Variants in NRG3 observed in about 807,000 individuals in gnomAD.
NRG3 encodes neuregulin 3.
NRG3 carries 31 observed loss-of-function variants against 66.9 expected under a neutral mutation model. That is an observed-to-expected ratio of 0.46 (90% CI 0.35 to 0.63). The LOEUF is 0.63. NRG3 is among the 20% of genes least tolerant of loss of function. The pLI, the probability that NRG3 is intolerant of heterozygous loss-of-function variation, is 0.00. For missense variants in NRG3, 910 were observed against 878.9 expected (o/e 1.04, Z -0.45); for synonymous variants, 393 against 359.4 (o/e 1.09, Z -1.06).
chr10:82,163,669 G>A (rs1170462052), intron 1 of NRG3, among the ~76,000 whole-genome samples: 1 of 152,146 alleles, frequency 6.6e-6, no homozygotes, highest in African/African-American at 2.4e-5. Flanking sequence ...TGAAGGCTGA[G>A]GAGGAGCAAT....
intron 1 of NRG3, among the ~76,000 whole-genome samples, chr10:82,059,807 T>A (rs1225513319): frequency 6.6e-6 from 1 of 152,196 alleles, no homozygotes; most frequent in Non-Finnish European, 1.5e-5. Context: ...TCTGCCTACA[T>A]ATCTTAAAGC....
chr10:81,977,678 T>TGA (rs1365838585), intron 1 of NRG3, among the ~76,000 whole-genome samples: 1 of 152,180 alleles, frequency 6.6e-6, no homozygotes, highest in Non-Finnish European at 1.5e-5. Context: ...ATTTTCTAAA[T>TGA]GAAAACACTC....
intron 2 of NRG3, among the ~76,000 whole-genome samples, chr10:82,676,671 A>G (rs2134083472): frequency 6.6e-6 from 1 of 151,996 alleles, no homozygotes; most frequent in South Asian, 2.1e-4. Context: ...TTTAGTAGAG[A>G]CAGAGTTTTG....
At chr10:82,915,249 C>T (rs1171851450) in intron 4 of NRG3, among the ~76,000 whole-genome samples, 1 of 152,198 alleles carries the variant, frequency 6.6e-6, no homozygotes, top group Non-Finnish European at 1.5e-5. Flanking sequence ...CTGTGACTTC[C>T]ATTTTCCAAA....
intron 6 of NRG3, among the ~76,000 whole-genome samples, chr10:82,963,689 T>A (rs1019316711): frequency 6.0e-5 from 9 of 151,068 alleles, no homozygotes; most frequent in Middle Eastern, 3.4e-3. Context: ...CAAAAAAAAA[T>A]AAAAAAGAAT....
chr10:82,491,295 T>TATATATATATATATACAC (rs202217910), intron 2 of NRG3, among the ~76,000 whole-genome samples: 6 of 126,908 alleles, frequency 4.7e-5, no homozygotes, highest in African/African-American at 1.6e-4. Context: ...TCCCATAAAA[T>TATATATATATATATACAC]ATATATATAT....
At chr10:82,872,121 G>T (rs1841395873) in intron 4 of NRG3, among the ~76,000 whole-genome samples, 1 of 152,032 alleles carries the variant, frequency 6.6e-6, no homozygotes, top group South Asian at 2.1e-4. Context: ...TACCATAAAT[G>T]GGTGTTGGAT....
At chr10:82,355,821 A>G (rs1358471402) in intron 1 of NRG3, among the ~76,000 whole-genome samples, 2 of 152,226 alleles carry the variant, frequency 1.3e-5, no homozygotes, top group Non-Finnish European at 2.9e-5. Flanking sequence ...ATGCATAGGT[A>G]TATTCTAAGG....
At chr10:82,703,983 G>A (rs540874823) in intron 2 of NRG3, among the ~76,000 whole-genome samples, 118 of 151,938 alleles carry the variant, frequency 7.8e-4, no homozygotes, top group African/African-American at 2.8e-3. Flanking sequence ...CCACTTAAAC[G>A]AATGCCAAGA....
chr10:81,950,798 A>G (rs973032440), intron 1 of NRG3, among the ~76,000 whole-genome samples: 2 of 152,218 alleles, frequency 1.3e-5, no homozygotes, highest in Non-Finnish European at 2.9e-5. Flanking sequence ...GCAACGCTTT[A>G]TGGAAAGAAT....
At chr10:82,430,213 T>C (rs1273394011) in intron 2 of NRG3, among the ~76,000 whole-genome samples, 1 of 152,168 alleles carries the variant, frequency 6.6e-6, no homozygotes, top group Non-Finnish European at 1.5e-5. Flanking sequence ...TTTTTCCACA[T>C]ATGTTTAGGC....
intron 1 of NRG3, among the ~76,000 whole-genome samples, chr10:81,952,980 T>C (rs1043497883): frequency 6.6e-6 from 1 of 152,112 alleles, no homozygotes; most frequent in African/African-American, 2.4e-5. Context: ...TGTTTGTCTC[T>C]CTGGCCTCAT....
intron 2 of NRG3, among the ~76,000 whole-genome samples, chr10:82,723,966 C>T (rs985049053): frequency 1.3e-5 from 2 of 148,918 alleles, no homozygotes; most frequent in African/African-American, 5.0e-5. Context: ...GGCGACAGAG[C>T]GAGACTCCAT....
chr10:82,835,025 G>A (rs908807925), intron 3 of NRG3, among the ~76,000 whole-genome samples: 2 of 152,166 alleles, frequency 1.3e-5, no homozygotes, highest in African/African-American at 4.8e-5. Context: ...GCAGGAAAAC[G>A]AGGCTGGCAC....
rs59698440 is a variant in NRG3 at position 82,825,788 on chromosome 10, G to A, written c.1028-39623G>A. On this transcript the variant is annotated intron_variant, in intron 3 of 8. Coordinates refer to ENST00000372141, the MANE Select transcript of NRG3 (RefSeq NM_001010848.4). ...TAGCAATTGTTACCATGTAACATAC[G>A]ATTAAATATTATAAAAGTGAGCCTA... 3.3e-5 allele frequency among the ~76,000 whole-genome samples: 5 copies of A among 152,216 alleles called. No homozygotes were observed. The East Asian group carries it at 7.7e-4, about 23-fold the overall frequency.
chr10:82,660,533 A>G (rs1020791208), intron 2 of NRG3, among the ~76,000 whole-genome samples: 2 of 152,214 alleles, frequency 1.3e-5, no homozygotes, highest in East Asian at 3.8e-4. Flanking sequence ...ACATTAATGT[A>G]AAGTGGCAGT....
chr10:82,060,724 AATT>A (rs1329859157), intron 1 of NRG3, among the ~76,000 whole-genome samples: 1 of 151,990 alleles, frequency 6.6e-6, no homozygotes, highest in Non-Finnish European at 1.5e-5. Context: ...TTGTTAGTGG[AATT>A]ATTGGTGCCT....
chr10:82,309,840 C>G (rs570731167), intron 1 of NRG3, among the ~76,000 whole-genome samples: 2 of 152,198 alleles, frequency 1.3e-5, no homozygotes, highest in Admixed American at 1.3e-4. Flanking sequence ...CATGTAAACT[C>G]AGCATCTGCC....
chr10:82,593,369 G>T (rs571335787), intron 2 of NRG3, among the ~76,000 whole-genome samples: 1 of 152,296 alleles, frequency 6.6e-6, no homozygotes, highest in African/African-American at 2.4e-5. Context: ...AATATTATTT[G>T]TAACATGAGC....
Sources: allele counts gnomAD v4.1 joint callset (sites outside exome capture counted in the v4.1 genomes callset), GRCh38; gene constraint gnomAD v4.1.1; transcripts MANE v1.5; gene names NCBI Gene and HGNC (gene_info 2026-07-23, HGNC 2026-07-21).